Variants in ZNF365 observed in about 807,000 individuals in gnomAD.
The protein encoded by ZNF365 is zinc finger protein 365.
In ZNF365, 22 loss-of-function variants were observed where a neutral mutation model predicts 35.0. The ratio of observed to expected loss-of-function variants is 0.63; its 90% CI spans 0.45 to 0.90. The LOEUF (loss-of-function observed/expected upper bound fraction) is 0.90. ZNF365 is among the 40% of genes least tolerant of loss of function. The pLI, the probability that ZNF365 is intolerant of heterozygous loss-of-function variation, is 0.00. For synonymous variants in ZNF365, 188 were observed against 196.2 expected (o/e 0.96, Z 0.35); for missense variants, 448 against 500.3 (o/e 0.90, Z 1.00).
intron 3 of ZNF365, among the ~76,000 whole-genome samples, chr10:62,415,093 G>A (rs1295034379): frequency 7.0e-6 from 1 of 142,464 alleles, no homozygotes; most frequent in Non-Finnish European, 1.6e-5. Context: ...TTATTTTTTT[G>A]AACATATTAA....
At chr10:62,422,541 C>T (rs1840186507) in intron 3 of ZNF365, among the ~76,000 whole-genome samples, 1 of 152,092 alleles carries the variant, frequency 6.6e-6, no homozygotes, top group African/African-American at 2.4e-5. Flanking sequence ...CCCAATGATG[C>T]ACAACATGTC....
At chr10:62,438,284 G>A (rs1208783658) in intron 3 of ZNF365, among the ~76,000 whole-genome samples, 1 of 151,884 alleles carries the variant, frequency 6.6e-6, no homozygotes, top group East Asian at 1.9e-4. Flanking sequence ...CGCCTCCCAG[G>A]CTCAAGCGAT....
chr10:62,386,917 C>T (rs770712426), intron 2 of ZNF365, among the ~76,000 whole-genome samples: 6 of 152,042 alleles, frequency 3.9e-5, no homozygotes, highest in Non-Finnish European at 7.4e-5. Context: ...TTAGCATTCA[C>T]GAATCAAAAT....
intron 2 of ZNF365, among the ~76,000 whole-genome samples, chr10:62,380,159 T>C (rs571127349): frequency 2.6e-5 from 4 of 152,228 alleles, no homozygotes; most frequent in African/African-American, 7.2e-5. Flanking sequence ...GTTGTACATA[T>C]ACTCATAGCA....
chr10:62,398,766 G>A lies in ZNF365; in HGVS notation c.951G>A (p.Lys317=), dbSNP rs1463717718. Residue 317 remains lysine, a synonymous_variant, in exon 4 of 5, where the codon AAG becomes AAA. Transcript: ENST00000395254. Reference sequence around the variant, plus strand: ...TTACAGACATCTCCTCAAATAGGAAGCCCAAATGCCTGTATGTATGTATTT... The same window carrying A: ...TTACAGACATCTCCTCAAATAGGAAACCCAAATGCCTGTATGTATGTATTT... ...HVLTDISSNR[K]PKCLSRGHPH... 3 of 1,612,240 alleles carry A rather than the reference G, an allele frequency of 1.9e-6. No individual in the cohort carries two copies. The highest frequency in any genetic ancestry group is 2.5e-6 in the Non-Finnish European group (3 of 1,179,310).
At chr10:62,398,867 A>T in intron 4 of ZNF365, 90 bp downstream of exon 4, 4 of 1,249,232 alleles carry the variant, frequency 3.2e-6, no homozygotes, top group Non-Finnish European at 3.4e-6. Flanking sequence ...TATCTATTTT[A>T]TATGATATCT....
At chr10:62,473,686 G>T (rs894940832) in intron 4 of ZNF365, among the ~76,000 whole-genome samples, 5 of 152,070 alleles carry the variant, frequency 3.3e-5, no homozygotes, top group Admixed American at 3.3e-4. Flanking sequence ...CATAGTAAAT[G>T]CTGTGTTAGA....
intron 2 of ZNF365, among the ~76,000 whole-genome samples, chr10:62,379,493 T>C (rs909288913): frequency 1.3e-5 from 2 of 152,056 alleles, no homozygotes; most frequent in African/African-American, 4.8e-5. Context: ...GTCCCATCAG[T>C]TTCTGTATTC....
intron 4 of ZNF365, among the ~76,000 whole-genome samples, chr10:62,466,635 C>T (rs148637093): frequency 2.6e-4 from 39 of 152,224 alleles, no homozygotes; most frequent in African/African-American, 9.2e-4. Context: ...GGTGCAAGGT[C>T]TCTAGCTTCT....
intron 2 of ZNF365, among the ~76,000 whole-genome samples, chr10:62,377,506 CTT>C (rs1839356934): frequency 6.6e-6 from 1 of 152,104 alleles, no homozygotes; most frequent in Non-Finnish European, 1.5e-5. Context: ...AGAGGAAAGA[CTT>C]TCTGATATTG....
chr10:62,422,925 C>A (rs138623373), intron 3 of ZNF365, among the ~76,000 whole-genome samples: 304 of 152,270 alleles, frequency 2.0e-3, no homozygotes, highest in African/African-American at 7.1e-3. Flanking sequence ...GTCTTGCCAA[C>A]TTGTTCTCAA....
intron 3 of ZNF365, among the ~76,000 whole-genome samples, chr10:62,442,914 A>G (rs1320799668): frequency 6.6e-6 from 1 of 152,154 alleles, no homozygotes; most frequent in Non-Finnish European, 1.5e-5. Context: ...ACTCCTGACC[A>G]AGTTCTAGTC....
intron 3 of ZNF365, among the ~76,000 whole-genome samples, chr10:62,451,204 A>C (rs1468969801): frequency 6.6e-6 from 1 of 152,058 alleles, no homozygotes; most frequent in Admixed American, 6.5e-5. Context: ...TTTATTTCCC[A>C]CTTTTTCTGA....
chr10:62,471,175 G>C (rs760237529), intron 4 of ZNF365, among the ~76,000 whole-genome samples: 2 of 151,900 alleles, frequency 1.3e-5, no homozygotes, highest in Non-Finnish European at 2.9e-5. Flanking sequence ...GATCATCCTG[G>C]CTAACATGGT....
At chr10:62,456,602 G>C (rs779977880) in intron 3 of ZNF365, among the ~76,000 whole-genome samples, 2 of 152,192 alleles carry the variant, frequency 1.3e-5, no homozygotes, top group Non-Finnish European at 2.9e-5. Flanking sequence ...ATCAGAGGCA[G>C]AACTGGCATT....
chr10:62,417,579 A>G (rs369487117), intron 3 of ZNF365, among the ~76,000 whole-genome samples: 39 of 151,992 alleles, frequency 2.6e-4, no homozygotes, highest in African/African-American at 9.2e-4. Flanking sequence ...CTTAAGCTAG[A>G]TGTGATTCAA....
chr10:62,376,630 C>T lies in ZNF365; in HGVS notation c.437C>T (p.Pro146Leu). The T allele has an allele frequency of 6.2e-7, 1 of 1,614,150 alleles. No homozygotes were observed. The highest frequency in any genetic ancestry group is 8.5e-7 in the Non-Finnish European group (1 of 1,180,038). Residue 146 changes from proline to leucine, a missense_variant, in exon 2 of 5, where the codon CCT becomes CTT. Physicochemically the swap from Pro to Leu is moderately conservative, Grantham distance 98. Coordinates refer to ENST00000395254, the MANE Select transcript of ZNF365 (RefSeq NM_014951.3). ...TCGCTGGATGGGACACGGTCGGGTCCTGGACTGCCCACCTCAGACACCAAA... is the reference window on the plus strand; with the variant it reads ...TCGCTGGATGGGACACGGTCGGGTCTTGGACTGCCCACCTCAGACACCAAA... ...ADSLDGTRSGPGLPTSDTKAS... is the reference protein window; with the variant it reads ...ADSLDGTRSGLGLPTSDTKAS...
intron 2 of ZNF365, among the ~76,000 whole-genome samples, chr10:62,384,613 G>C (rs948853389): frequency 6.6e-6 from 1 of 152,186 alleles, no homozygotes; most frequent in Non-Finnish European, 1.5e-5. Flanking sequence ...GGTTGAAACA[G>C]ATGAAGAAAA....
intron 3 of ZNF365, among the ~76,000 whole-genome samples, chr10:62,432,166 C>T (rs7911214): frequency 0.033 from 5,080 of 152,200 alleles, 275 homozygotes; most frequent in African/African-American, 0.12. Flanking sequence ...ACCTGCAAGC[C>T]GTGGCCCTGT....
Sources: allele counts gnomAD v4.1 joint callset (sites outside exome capture counted in the v4.1 genomes callset), GRCh38; gene constraint gnomAD v4.1.1; transcripts MANE v1.5; gene names NCBI Gene and HGNC (gene_info 2026-07-23, HGNC 2026-07-21).